ADARB2: variants seen among roughly 807,000 people sequenced by gnomAD.
The protein encoded by ADARB2 is adenosine deaminase RNA specific B2 (inactive).
ADARB2 carries 25 observed loss-of-function variants against 62.2 expected under a neutral mutation model. The observed-to-expected ratio is 0.40, with a 90% CI of 0.29 to 0.56. ADARB2 has a LOEUF of 0.56. Ranked by LOEUF, ADARB2 falls within the 20% of genes least tolerant of loss-of-function variation. ADARB2 has a pLI of 0.43. For missense variants in ADARB2, 1,071 were observed against 1,077.4 expected (o/e 0.99, Z 0.08); for synonymous variants, 572 against 500.8 (o/e 1.14, Z -1.90).
chr10:1,443,068 G>A (rs530400813), intron 1 of ADARB2, among the ~76,000 whole-genome samples: 1 of 151,946 alleles, frequency 6.6e-6, no homozygotes, highest in Non-Finnish European at 1.5e-5. Flanking sequence ...CTGGAGAGAA[G>A]TGAATGAATA....
At chr10:1,698,291 C>T (rs1053865423) in intron 1 of ADARB2, among the ~76,000 whole-genome samples, 4 of 152,304 alleles carry the variant, frequency 2.6e-5, no homozygotes, top group South Asian at 4.1e-4. Context: ...GTGCGGGACA[C>T]GGAACATTGC....
intron 1 of ADARB2, 126 bp from the exon 2 acceptor site, chr10:1,379,286 T>G: frequency 2.9e-6 from 2 of 696,532 alleles, no homozygotes; most frequent in Non-Finnish European, 5.1e-6. Flanking sequence ...TTTCAGCCAT[T>G]TCATTCTGGT....
intron 1 of ADARB2, among the ~76,000 whole-genome samples, chr10:1,504,914 A>G (rs1176113615): frequency 6.6e-6 from 1 of 152,082 alleles, no homozygotes; most frequent in Non-Finnish European, 1.5e-5. Flanking sequence ...ACACACACAC[A>G]TGCGTGTGCG....
intron 1 of ADARB2, among the ~76,000 whole-genome samples, chr10:1,608,971 C>T (rs989696215): frequency 6.6e-6 from 1 of 151,924 alleles, no homozygotes; most frequent in African/African-American, 2.4e-5. Context: ...CACATTAAAC[C>T]GTGGCATCCT....
chr10:1,651,168 C>G (rs1298701701), intron 1 of ADARB2, among the ~76,000 whole-genome samples: 1 of 152,260 alleles, frequency 6.6e-6, no homozygotes, highest in Non-Finnish European at 1.5e-5. Flanking sequence ...AGAGCAGGGA[C>G]AGTTCTCGCC....
chr10:1,730,978 C>T (rs1177396218), intron 1 of ADARB2, among the ~76,000 whole-genome samples: 1 of 152,126 alleles, frequency 6.6e-6, no homozygotes, highest in African/African-American at 2.4e-5. Flanking sequence ...ATACCTATGA[C>T]TAGAATAAAA....
intron 4 of ADARB2, among the ~76,000 whole-genome samples, chr10:1,250,077 CAG>C (rs1484788449): frequency 2.8e-5 from 3 of 105,296 alleles, no homozygotes; most frequent in Non-Finnish European, 4.8e-5. Context: ...TTTAAACAAA[CAG>C]AAAGACTTGC....
chr10:1,504,534 C>T (rs1168589077), intron 1 of ADARB2, among the ~76,000 whole-genome samples: 3 of 152,176 alleles, frequency 2.0e-5, no homozygotes, highest in Non-Finnish European at 2.9e-5. Context: ...GCTGGCTGTG[C>T]ACTGCGTGGA....
intron 1 of ADARB2, among the ~76,000 whole-genome samples, chr10:1,611,165 G>A (rs1429905687): frequency 6.6e-6 from 1 of 152,210 alleles, no homozygotes; most frequent in Non-Finnish European, 1.5e-5. Context: ...CAGAAAGGCT[G>A]AGGAGTGTCA....
chr10:1,720,217 C>A (rs1273220407), intron 1 of ADARB2, among the ~76,000 whole-genome samples: 1 of 152,184 alleles, frequency 6.6e-6, no homozygotes, highest in Non-Finnish European at 1.5e-5. Flanking sequence ...AAATCATGTT[C>A]TTTGCAGCAA....
chr10:1,570,057 G>T (rs1588306350), intron 1 of ADARB2, among the ~76,000 whole-genome samples: 1 of 151,756 alleles, frequency 6.6e-6, no homozygotes, highest in African/African-American at 2.4e-5. Flanking sequence ...TTGATTTTTG[G>T]CACCGAGAAC....
In ADARB2 at chr10:1,262,515, C is replaced by T. The variant is rs1831151575; in HGVS notation, c.1192+8440G>A. Among the ~76,000 whole-genome samples the T allele has an allele frequency of 2.0e-5, 3 of 151,806 alleles. No individual in the cohort carries two copies. In the South Asian group the frequency reaches 6.2e-4, roughly 32 times the overall value. ...TTCTCAAAAGAAGACATTTATGCAG[C>T]CAAAAAACACACAAAAAAATGCTCA... On this transcript the variant is annotated intron_variant, in intron 4 of 9. Coordinates refer to ENST00000381312, the MANE Select transcript of ADARB2 (RefSeq NM_018702.4).
At chr10:1,586,384 T>A (rs1254023483) in intron 1 of ADARB2, among the ~76,000 whole-genome samples, 1 of 152,130 alleles carries the variant, frequency 6.6e-6, no homozygotes, top group African/African-American at 2.4e-5. Flanking sequence ...ATCCAGAAGA[T>A]GAGGCACCTG....
At chr10:1,411,524 T>C (rs1477330548) in intron 1 of ADARB2, among the ~76,000 whole-genome samples, 4 of 152,038 alleles carry the variant, frequency 2.6e-5, no homozygotes, top group Non-Finnish European at 5.9e-5. Flanking sequence ...ATTTGAAGCT[T>C]TTTCCTCCTC....
intron 1 of ADARB2, among the ~76,000 whole-genome samples, chr10:1,596,833 G>A (rs542136400): frequency 1.3e-5 from 2 of 152,328 alleles, no homozygotes; most frequent in East Asian, 3.9e-4. Flanking sequence ...CAGCAGGAGG[G>A]AGAGTGGGAG....
chr10:1,552,442 C>T (rs566791293), intron 1 of ADARB2, among the ~76,000 whole-genome samples: 27 of 152,322 alleles, frequency 1.8e-4, no homozygotes, highest in Middle Eastern at 3.4e-3. Flanking sequence ...CCCAGGGGGC[C>T]GGAGGGAGCA....
At chr10:1,642,344 G>A (rs1833988345) in intron 1 of ADARB2, among the ~76,000 whole-genome samples, 1 of 152,164 alleles carries the variant, frequency 6.6e-6, no homozygotes, top group Non-Finnish European at 1.5e-5. Flanking sequence ...TGAAACCCGT[G>A]AACTTGGCCC....
At chr10:1,708,915 T>G (rs373408497) in intron 1 of ADARB2, among the ~76,000 whole-genome samples, 81 of 152,046 alleles carry the variant, frequency 5.3e-4, no homozygotes, top group African/African-American at 1.8e-3. Context: ...AGGGCATGGG[T>G]GGAAATCCAT....
At chr10:1,311,855 T>C (rs1831695158) in intron 3 of ADARB2, among the ~76,000 whole-genome samples, 1 of 152,190 alleles carries the variant, frequency 6.6e-6, no homozygotes. Context: ...GGCTGGATCT[T>C]AAGCCTCCCG....
Sources: allele counts gnomAD v4.1 joint callset (sites outside exome capture counted in the v4.1 genomes callset), GRCh38; gene constraint gnomAD v4.1.1; transcripts MANE v1.5; gene names NCBI Gene and HGNC (gene_info 2026-07-23, HGNC 2026-07-21).